Variants in OSBPL8 observed in about 807,000 individuals in gnomAD.
The protein encoded by OSBPL8 is oxysterol-binding protein-related protein 8.
Under a neutral mutation model 125.5 loss-of-function variants are expected in OSBPL8, and 59 were observed. The ratio of observed to expected loss-of-function variants is 0.47; its 90% CI spans 0.38 to 0.58. The LOEUF (loss-of-function observed/expected upper bound fraction) is 0.58. OSBPL8 is among the 20% of genes least tolerant of loss of function. The pLI, the probability that OSBPL8 is intolerant of heterozygous loss-of-function variation, is 0.00. For synonymous variants in OSBPL8, 330 were observed against 338.9 expected, an observed-to-expected ratio of 0.97 and a Z score of 0.29; for missense variants, 758 against 1,047.8, an observed-to-expected ratio of 0.72 and a Z score of 3.82.
intron 1 of OSBPL8, among the ~76,000 whole-genome samples, chr12:76,494,842 G>C (rs1029862206): frequency 1.3e-5 from 2 of 152,134 alleles, no homozygotes; most frequent in East Asian, 3.9e-4. Flanking sequence ...GGATGTAAGA[G>C]TTTGCAGCTC....
intron 2 of OSBPL8, among the ~76,000 whole-genome samples, chr12:76,468,661 C>T (rs912613400): frequency 1.2e-4 from 19 of 152,172 alleles, no homozygotes; most frequent in Middle Eastern, 3.2e-3. Flanking sequence ...AGTTATCGTT[C>T]TCCAACTCTG....
chr12:76,403,587 T>G (rs1313853019), intron 5 of OSBPL8, among the ~76,000 whole-genome samples: 2 of 152,180 alleles, frequency 1.3e-5, no homozygotes, highest in African/African-American at 4.8e-5. Flanking sequence ...AGTTAAAAGC[T>G]CTATTTATTT....
intron 1 of OSBPL8, among the ~76,000 whole-genome samples, chr12:76,499,350 C>CTATCTATCATCTATCT (rs71082312): frequency 9.6e-4 from 103 of 107,574 alleles, no homozygotes; most frequent in Non-Finnish European, 1.4e-3. Flanking sequence ...ATCTATCTAT[C>CTATCTATCATCTATCT]ATCTATCTAT....
rs373666731 is a variant in OSBPL8 at position 76,465,539 on chromosome 12, G to A, written c.43-5644C>T. On this transcript the variant is annotated intron_variant, in intron 2 of 23. Transcript: ENST00000261183. Reference sequence around the variant, plus strand: ...CACGCCACTGCACTCCAGCCTGGGCGACAGAGCAAGACTCCGTCTCAAAAA... The same window carrying A: ...CACGCCACTGCACTCCAGCCTGGGCAACAGAGCAAGACTCCGTCTCAAAAA... 6.6e-5 allele frequency among the ~76,000 whole-genome samples: 10 copies of A among 151,864 alleles called. No homozygotes were observed. The South Asian group carries it at 1.7e-3, about 25-fold the overall frequency.
chr12:76,355,714 G>T lies in OSBPL8; in HGVS notation c.*175C>A. The T allele has an allele frequency of 1.6e-6, 1 of 621,470 alleles. No homozygotes were observed. Among genetic ancestry groups the T allele is most frequent in the Non-Finnish European group, 2.7e-6 (1 of 376,518 alleles). The allele number at this position is 621,470 out of a possible 1,614,324, so 38.5% of individuals were successfully genotyped here. A position where few individuals can be genotyped will look rare whatever the true frequency, so the allele number is the denominator to read the frequency against. ...CTCACTTTAATAATCAAATAGGATA[G>T]CTCTTGTTTCAGTGTGAAGATAAAA... On this transcript the variant is annotated 3_prime_UTR_variant, in exon 24 of 24. Coordinates refer to ENST00000261183, the MANE Select transcript of OSBPL8 (RefSeq NM_020841.5).
intron 3 of OSBPL8, among the ~76,000 whole-genome samples, chr12:76,456,508 GGCATGGTGGT>G (rs1874064435): frequency 6.6e-6 from 1 of 151,916 alleles, no homozygotes. Context: ...AAATTGGCTG[GGCATGGTGGT>G]GCACGCCTGT....
At chr12:76,471,980 T>C (rs933816039) in intron 2 of OSBPL8, among the ~76,000 whole-genome samples, 4 of 152,328 alleles carry the variant, frequency 2.6e-5, no homozygotes, top group Non-Finnish European at 5.9e-5. Context: ...CTCAAATAAC[T>C]GACTCTTCTG....
rs1565862421 is a variant in OSBPL8 at position 76,397,715 on chromosome 12, C to T, written c.651G>A (p.Glu217=). Residue 217 remains glutamate, a synonymous_variant, in exon 8 of 24, where the codon GAG becomes GAA. Transcript: ENST00000261183. ...ATACCTTCACTGCCCAAATAGATTG[C>T]TCCAAAGGATGGAAAAGTTTGAAAC... The part of the protein sequence containing the change: ...GFCFKLFHPL[E]QSIWAVKGPK... 3 of 1,614,030 alleles carry T rather than the reference C, an allele frequency of 1.9e-6. No individual in the cohort carries two copies. Among genetic ancestry groups the T allele is most frequent in the Non-Finnish European group, 2.5e-6 (3 of 1,179,962 alleles).
In OSBPL8 at chr12:76,355,331, ATACT is replaced by A. The variant is rs1214784551; in HGVS notation, c.*554_*557del. On this transcript the variant is annotated 3_prime_UTR_variant, in exon 24 of 24. Coordinates refer to ENST00000261183, the MANE Select transcript of OSBPL8 (RefSeq NM_020841.5). Reference sequence around the variant, plus strand: ...CTCGATGTATTCATTTTGACCATTCATACTTTTTCTTTCTTTCTAAGAAGATAAT... The same window carrying A: ...CTCGATGTATTCATTTTGACCATTCATTTTCTTTCTTTCTAAGAAGATAAT... The A allele has an allele frequency of 1.3e-5, 2 of 152,362 alleles. No individual in the cohort carries two copies. Among genetic ancestry groups the A allele is most frequent in the Non-Finnish European group, 2.9e-5 (2 of 67,972 alleles). 9.4% of individuals were successfully genotyped at this position (152,362 alleles called of 1,614,324 possible).
intron 4 of OSBPL8, among the ~76,000 whole-genome samples, chr12:76,422,302 A>G (rs937692150): frequency 3.9e-5 from 6 of 152,158 alleles, no homozygotes; most frequent in Non-Finnish European, 8.8e-5. Context: ...TTCCTACTTT[A>G]CTGAATCATT....
chr12:76,437,352 G>C (rs1871591112), intron 4 of OSBPL8, among the ~76,000 whole-genome samples: 1 of 152,084 alleles, frequency 6.6e-6, no homozygotes, highest in Non-Finnish European at 1.5e-5. Context: ...GTATGAAATA[G>C]CAATTCATTA....
chr12:76,480,755 C>T (rs1180099100), intron 2 of OSBPL8, among the ~76,000 whole-genome samples: 1 of 152,192 alleles, frequency 6.6e-6, no homozygotes, highest in African/African-American at 2.4e-5. Flanking sequence ...ACAGGACCCA[C>T]TTCCAATAGG....
At chr12:76,512,676 T>C (rs1363688998) in intron 1 of OSBPL8, among the ~76,000 whole-genome samples, 1 of 152,224 alleles carries the variant, frequency 6.6e-6, no homozygotes, top group African/African-American at 2.4e-5. Flanking sequence ...GGCTCTTTTT[T>C]GGTTCCACAT....
At chr12:76,415,894 A>G (rs1310284420) in intron 4 of OSBPL8, among the ~76,000 whole-genome samples, 1 of 152,070 alleles carries the variant, frequency 6.6e-6, no homozygotes, top group Non-Finnish European at 1.5e-5. Context: ...GAAACTCTCT[A>G]GTGTGTGTAT....
Position 76,353,865 on chromosome 12 carries a change from A to T in OSBPL8, c.*2024T>A, listed in dbSNP as rs1362026683. 2.0e-5 allele frequency: 3 copies of T among 152,444 alleles called. No homozygotes were observed. The East Asian group carries it at 5.8e-4, about 29-fold the overall frequency. 9.4% of individuals were successfully genotyped at this position (152,444 alleles called of 1,614,324 possible). A position where few individuals can be genotyped will look rare whatever the true frequency, so the allele number is the denominator to read the frequency against. ...TGCTCTAAAAAGAAATTTTAAAAATAAAGAACACAACTACCTATTTAGTCT... is the reference window on the plus strand; with the variant it reads ...TGCTCTAAAAAGAAATTTTAAAAATTAAGAACACAACTACCTATTTAGTCT... On this transcript the variant is annotated 3_prime_UTR_variant, in exon 24 of 24. Transcript: ENST00000261183.
chr12:76,375,895 T>C (rs1952802211), intron 16 of OSBPL8, among the ~76,000 whole-genome samples: 1 of 152,226 alleles, frequency 6.6e-6, no homozygotes, highest in Non-Finnish European at 1.5e-5. Context: ...CTATACTGTA[T>C]TTTACAGGGA....
At position 76,369,666 on chromosome 12, in the gene OSBPL8, G is replaced by A. The variant is rs1450290958; in HGVS notation, c.2211C>T (p.Leu737=). Residue 737 remains leucine (L), a synonymous_variant, in exon 20 of 24, where the codon CTC becomes CTT. Coordinates refer to ENST00000261183, the MANE Select transcript of OSBPL8 (RefSeq NM_020841.5). ...WSCKLFELDP[L]TGEWHYKFAD... ...CAAACTTGTAATGCCATTCTCCTGT[G>A]AGTGGATCAAGTTCAAATAATTTGC... The A allele has an allele frequency of 1.9e-6, 3 of 1,613,594 alleles. No homozygotes were observed. The highest frequency in any genetic ancestry group is 2.2e-5 in the East Asian group (1 of 44,864).
chr12:76,365,498 T>A (rs906959173), intron 21 of OSBPL8, among the ~76,000 whole-genome samples: 1 of 152,210 alleles, frequency 6.6e-6, no homozygotes, highest in Non-Finnish European at 1.5e-5. Context: ...TTAGCTCCAG[T>A]AGCTTTCTAT....
At chr12:76,457,249 T>C (rs1874167976) in intron 3 of OSBPL8, among the ~76,000 whole-genome samples, 1 of 152,230 alleles carries the variant, frequency 6.6e-6, no homozygotes, top group South Asian at 2.1e-4. Context: ...TACTAGTTAA[T>C]GTTATGTAGT....
Sources: gnomAD v4.1 joint callset for allele counts (sites outside exome capture counted in the v4.1 genomes callset) on GRCh38, gnomAD v4.1.1 for gene constraint, MANE v1.5 for transcripts, NCBI Gene and HGNC (gene_info 2026-07-23, HGNC 2026-07-21) for gene names.